Variants in PYY observed in about 807,000 individuals in gnomAD.
The protein encoded by PYY is peptide YY.
In PYY, 12 loss-of-function variants were observed where a neutral mutation model predicts 10.3. That is an observed-to-expected ratio of 1.17 (90% CI 0.75 to 1.89). The LOEUF is 1.89. Among genes scored for constraint, PYY ranks in the 40% most tolerant of loss-of-function variants. PYY has a pLI of 0.00. For synonymous variants in PYY, 66 were observed against 62.0 expected (o/e 1.06, Z -0.30); for missense variants, 141 against 134.0 (o/e 1.05, Z -0.26).
At chr17:43,956,249 G>A (rs1048541970), upstream of PYY, among the ~76,000 whole-genome samples, 11 of 151,974 alleles carry the variant, frequency 7.2e-5, no homozygotes, top group Admixed American at 2.6e-4. Flanking sequence ...GGAGCCAGCC[G>A]CACATCCCCG....
chr17:43,953,708 C>T (rs955293197), intron 1 of PYY, 142 bp downstream of exon 1: 2 of 411,548 alleles, frequency 4.9e-6, no homozygotes, highest in Non-Finnish European at 8.6e-6. Flanking sequence ...CACCCCCACC[C>T]CCGCTGCTGG....
upstream of PYY, among the ~76,000 whole-genome samples, chr17:43,955,875 A>C (rs944292839): frequency 5.3e-5 from 8 of 152,182 alleles, no homozygotes; most frequent in Admixed American, 5.2e-4. Context: ...CTGTGATCCC[A>C]GGGATCAGGG....
chr17:43,962,780 G>A (rs939689130), intron 2 of PYY, among the ~76,000 whole-genome samples: 9 of 152,240 alleles, frequency 5.9e-5, no homozygotes, highest in Admixed American at 2.0e-4. Flanking sequence ...TTTGGGGGGC[G>A]GCACACAGCT....
chr17:43,953,784 A>C, intron 1 of PYY, 66 bp downstream of exon 1: 11 of 247,338 alleles, frequency 4.4e-5, no homozygotes, highest in East Asian at 1.4e-4. Context: ...AGCTTCCACC[A>C]TCCCAGCCTC....
chr17:43,955,359 C>T (rs1173535679), upstream of PYY, among the ~76,000 whole-genome samples: 1 of 152,194 alleles, frequency 6.6e-6, no homozygotes, highest in Non-Finnish European at 1.5e-5. Context: ...CCCTCCAGCC[C>T]CAGGACAGAT....
intron 2 of PYY, among the ~76,000 whole-genome samples, chr17:43,963,594 G>GAA (rs1306911770): frequency 2.5e-5 from 2 of 79,220 alleles, no homozygotes; most frequent in African/African-American, 9.6e-5. Flanking sequence ...AAGAAAGAAA[G>GAA]AAAGAAAGAA....
At chr17:43,990,984 A>G (rs934361031) in intron 1 of PYY, among the ~76,000 whole-genome samples, 103 of 151,446 alleles carry the variant, frequency 6.8e-4, no homozygotes, top group African/African-American at 2.2e-3. Flanking sequence ...TTTAGTAGAG[A>G]CAGGGTTTCA....
At chr17:43,966,067 A>G (rs2048754406) in intron 2 of PYY, among the ~76,000 whole-genome samples, 2 of 152,246 alleles carry the variant, frequency 1.3e-5, no homozygotes, top group South Asian at 4.1e-4. Flanking sequence ...CACTGTTTCT[A>G]GACATATCCC....
chr17:43,979,510 C>T (rs2048869213), intron 1 of PYY, among the ~76,000 whole-genome samples: 1 of 150,502 alleles, frequency 6.6e-6, no homozygotes. Context: ...TTATGGATGA[C>T]ATAGTGAGAC....
intron 1 of PYY, among the ~76,000 whole-genome samples, chr17:43,988,676 C>T (rs1379954114): frequency 6.6e-6 from 1 of 152,040 alleles, no homozygotes. Flanking sequence ...AGATATTTAA[C>T]ACAAAGTAGA....
chr17:43,997,722 A>G (rs1184339942), intron 1 of PYY, among the ~76,000 whole-genome samples: 1 of 152,128 alleles, frequency 6.6e-6, no homozygotes, highest in Non-Finnish European at 1.5e-5. Flanking sequence ...AGAAGGCTAC[A>G]TAGAAAAATC....
upstream of PYY, among the ~76,000 whole-genome samples, chr17:43,957,716 A>G (rs1323264663): frequency 6.6e-6 from 1 of 152,226 alleles, no homozygotes; most frequent in Non-Finnish European, 1.5e-5. Flanking sequence ...GATAAGTGCT[A>G]TAGAGAAAAA....
intron 1 of PYY, among the ~76,000 whole-genome samples, chr17:43,973,620 C>A (rs1265260778): frequency 6.6e-6 from 1 of 152,074 alleles, no homozygotes; most frequent in Admixed American, 6.6e-5. Context: ...CTTGGTGAAA[C>A]CCCGTCTCTA....
At chr17:43,989,244 G>A (rs1171872128) in intron 1 of PYY, among the ~76,000 whole-genome samples, 1 of 151,948 alleles carries the variant, frequency 6.6e-6, no homozygotes, top group East Asian at 2.0e-4. Context: ...CGTGGTGGCG[G>A]GCGCCTGTAG....
At chr17:43,976,170 TATATGTATATATAC>T (rs2048835365) in intron 1 of PYY, among the ~76,000 whole-genome samples, 1 of 86,140 alleles carries the variant, frequency 1.2e-5, no homozygotes, top group African/African-American at 1.0e-4. Context: ...CATGCATGCA[TATATGTATATATAC>T]GTATATGTAT....
upstream of PYY, among the ~76,000 whole-genome samples, chr17:43,956,020 C>A (rs1005245809): frequency 2.0e-5 from 3 of 152,088 alleles, no homozygotes; most frequent in African/African-American, 7.2e-5. Context: ...TGGACAGAGA[C>A]GAAGGAAACT....
At chr17:43,993,407 C>T (rs1272092277) in intron 1 of PYY, among the ~76,000 whole-genome samples, 1 of 149,992 alleles carries the variant, frequency 6.7e-6, no homozygotes. Context: ...TGCAGTGAGC[C>T]GAGATTGCAC....
chr17:43,963,591 AAAG>A (rs1366218902), intron 2 of PYY, among the ~76,000 whole-genome samples: 2 of 67,718 alleles, frequency 3.0e-5, no homozygotes, highest in African/African-American at 1.1e-4. Context: ...AGAAAGAAAG[AAAG>A]AAAGAAAGAA....
At chr17:43,982,129 C>G (rs529863108) in intron 1 of PYY, among the ~76,000 whole-genome samples, 374 of 152,298 alleles carry the variant, frequency 2.5e-3, no homozygotes, top group African/African-American at 7.4e-3. Flanking sequence ...CTCCAGAGCC[C>G]TGCCTACCTG....
Sources: gnomAD v4.1 joint callset for allele counts (sites outside exome capture counted in the v4.1 genomes callset) on GRCh38, gnomAD v4.1.1 for gene constraint, MANE v1.5 for transcripts, NCBI Gene and HGNC (gene_info 2026-07-23, HGNC 2026-07-21) for gene names.